PEBP1: variants seen among roughly 807,000 people sequenced by gnomAD.
The protein encoded by PEBP1 is phosphatidylethanolamine binding protein 1.
In PEBP1, 17 loss-of-function variants were observed where a neutral mutation model predicts 22.7. The ratio of observed to expected loss-of-function variants is 0.75; its 90% confidence interval spans 0.51 to 1.12. The LOEUF (loss-of-function observed/expected upper bound fraction) is 1.12. Ranked by LOEUF, PEBP1 falls within the 50% of genes most tolerant of loss-of-function variation. The pLI, the probability that PEBP1 is intolerant of heterozygous loss-of-function variation, is 0.00. For missense variants in PEBP1, 205 were observed against 243.5 expected, an observed-to-expected ratio of 0.84 and a Z score of 1.05; for synonymous variants, 106 against 104.3, an observed-to-expected ratio of 1.02 and a Z score of -0.10.
In PEBP1 at chr12:118,136,669, A is replaced by G. The variant is rs1226524289; in HGVS notation, c.135+325A>G. On this transcript the variant is annotated intron_variant, in intron 1 of 3. Coordinates refer to ENST00000261313, the MANE Select transcript of PEBP1 (RefSeq NM_002567.4). This position sits in a 1 kb window ranked among gnomAD's most constrained non-coding sequence, Gnocchi z 5.6. ...CTCCCCCCACAGGCCAGGGCGCTGG[A>G]GAGGGACGTCGCCGGGACAGAGTAG... is the stretch of plus-strand genomic sequence containing the variant. 6.6e-6 allele frequency among the ~76,000 whole-genome samples: 1 copy of G among 152,212 alleles called. No homozygotes were observed. The highest frequency in any genetic ancestry group is 1.9e-4 in the East Asian group (1 of 5,190).
Position 118,138,150 on chromosome 12 carries a change from T to C in PEBP1, c.245+2T>C. 6.3e-7 allele frequency: 1 copy of C among 1,588,458 alleles called. No homozygotes were observed. The highest frequency in any genetic ancestry group is 2.2e-5 in the East Asian group (1 of 44,758). ...CAGCAGGAAGGATCCCAAATACAGG[T>C]GAGAGGTGAGAAAGACGAGAAGAGC... is the stretch of plus-strand genomic sequence containing the variant. On this transcript the variant is annotated splice_donor_variant, in intron 2 of 3. Transcript: ENST00000261313. LOFTEE classifies it high-confidence loss of function.
Position 118,141,507 on chromosome 12 carries a change from T to G in PEBP1, c.346+1956T>G, listed in dbSNP as rs939828199. On this transcript the variant is annotated intron_variant, in intron 3 of 3. Transcript: ENST00000261313. ...CCAGCATGTTGGGAGGTGGAGGCAGTTGGATCACTTGAAGCCAGGAATTCA... is the reference window on the plus strand; with the variant it reads ...CCAGCATGTTGGGAGGTGGAGGCAGGTGGATCACTTGAAGCCAGGAATTCA... 2.0e-5 allele frequency among the ~76,000 whole-genome samples: 3 copies of G among 152,224 alleles called. No individual in the cohort carries two copies. The East Asian group carries it at 5.8e-4, about 30-fold the overall frequency.
Position 118,136,457 on chromosome 12 carries a change from G to C in PEBP1, c.135+113G>C, listed in dbSNP as rs1464847362. The stretch of plus-strand genomic sequence containing the variant: ...GGGGCGGTGGGGAGGTTCAGCCTGC[G>C]TGTGTCGAGGCCCCCCCAGGCCAGA... On this transcript the variant is annotated intron_variant, in intron 1 of 3. Coordinates refer to ENST00000261313, the MANE Select transcript of PEBP1 (RefSeq NM_002567.4). The surrounding 1 kb of genome is among the most constrained non-coding windows in gnomAD (Gnocchi z 5.6). The C allele has an allele frequency of 1.6e-6, 2 of 1,262,992 alleles. No individual in the cohort carries two copies. The highest frequency in any genetic ancestry group is 1.1e-6 in the Non-Finnish European group (1 of 944,918). The allele number at this position is 1,262,992 out of a possible 1,614,324, so 78.2% of individuals were successfully genotyped here.
At chr12:118,142,174 C>CTT (rs897008585) in intron 3 of PEBP1, among the ~76,000 whole-genome samples, 5,295 of 125,350 alleles carry the variant, frequency 0.042, 114 homozygotes, top group Middle Eastern at 0.097. Context: ...GCCATGCATT[C>CTT]TTTTTTTTTT....
intron 3 of PEBP1, among the ~76,000 whole-genome samples, chr12:118,144,331 G>A (rs1047376166): frequency 2.0e-5 from 3 of 152,094 alleles, no homozygotes; most frequent in Non-Finnish European, 4.4e-5. Context: ...TAAGGGCTTG[G>A]GCTTGACACC....
In PEBP1 at chr12:118,136,145, C is replaced by T; in HGVS notation, c.-65C>T. 1.3e-6 allele frequency: 2 copies of T among 1,527,666 alleles called. No individual in the cohort carries two copies. Among genetic ancestry groups the T allele is most frequent in the South Asian group, 1.2e-5 (1 of 83,518 alleles). The allele number at this position is 1,527,666 out of a possible 1,614,324, so 94.6% of individuals were successfully genotyped here. ...AGCCAGTGTGCTGAGCTCTCCGCGTCGCCTCTGTCGCCCGCGCCTGGCCTA... is the reference window on the plus strand; with the variant it reads ...AGCCAGTGTGCTGAGCTCTCCGCGTTGCCTCTGTCGCCCGCGCCTGGCCTA... On this transcript the variant is annotated 5_prime_UTR_variant, in exon 1 of 4. Coordinates refer to ENST00000261313, the MANE Select transcript of PEBP1 (RefSeq NM_002567.4). The surrounding 1 kb of genome is among the most constrained non-coding windows in gnomAD (Gnocchi z 5.6).
At chr12:118,144,474 G>T in intron 3 of PEBP1, 112 bp from the exon 4 acceptor site, 1 of 998,960 alleles carries the variant, frequency 1.0e-6, no homozygotes. Flanking sequence ...TGTCCTCCTT[G>T]TAAATGGTGT....
chr12:118,140,809 A>G (rs1426364006), intron 3 of PEBP1, among the ~76,000 whole-genome samples: 1 of 152,106 alleles, frequency 6.6e-6, no homozygotes, highest in African/African-American at 2.4e-5. Flanking sequence ...AAGTGTTGGG[A>G]TTACAGGCGT....
At chr12:118,144,535 C>T (rs1265089521) in intron 3 of PEBP1, 51 bp from the exon 4 acceptor site, 1 of 1,524,810 alleles carries the variant, frequency 6.6e-7, no homozygotes, top group South Asian at 1.2e-5. Flanking sequence ...ATGATGTCCC[C>T]ATCTCAAGTG....
intron 1 of PEBP1, among the ~76,000 whole-genome samples, chr12:118,137,229 GGACA>G (rs2034071695): frequency 6.6e-6 from 1 of 152,112 alleles, no homozygotes; most frequent in South Asian, 2.1e-4. Flanking sequence ...CTGTGATTCC[GGACA>G]GACAATGTAA....
chr12:118,139,593 T>G, intron 3 of PEBP1, 42 bp downstream of exon 3: 2 of 1,243,446 alleles, frequency 1.6e-6, no homozygotes, highest in Non-Finnish European at 2.4e-6. Context: ...GGGAGGGAGC[T>G]CGGGGGCACA....
chr12:118,145,184 A>AT lies in PEBP1; in HGVS notation c.*381_*382insT. The AT allele has an allele frequency of 2.6e-6, 1 of 390,628 alleles. No homozygotes were observed. The highest frequency in any genetic ancestry group is 2.2e-5 in the South Asian group (1 of 46,142). The allele number at this position is 390,628 out of a possible 1,614,324, so 24.2% of individuals were successfully genotyped here. ...AGGGAGGTTTAAAAAAAAAAAAAAAAAAAAAGATTGGTTGCCTCTGCCTTT... is the reference window on the plus strand; with the variant it reads ...AGGGAGGTTTAAAAAAAAAAAAAAAATAAAAAGATTGGTTGCCTCTGCCTTT... On this transcript the variant is annotated 3_prime_UTR_variant, in exon 4 of 4. Transcript: ENST00000261313.
intron 3 of PEBP1, among the ~76,000 whole-genome samples, chr12:118,142,562 C>A (rs1376773718): frequency 6.6e-6 from 1 of 151,776 alleles, no homozygotes; most frequent in Non-Finnish European, 1.5e-5. Context: ...CTTCAGCCTC[C>A]ACCTCCCAGG....
At chr12:118,137,902 G>A (rs2034080213) in intron 1 of PEBP1, 137 bp from the exon 2 acceptor site, 1 of 629,116 alleles carries the variant, frequency 1.6e-6, no homozygotes, top group Non-Finnish European at 2.9e-6. Flanking sequence ...GGCCAGGCTG[G>A]TCTCAAACCC....
chr12:118,144,555 G>C (rs751997892), intron 3 of PEBP1, 31 bp from the exon 4 acceptor site: 1 of 1,591,496 alleles, frequency 6.3e-7, no homozygotes, highest in Non-Finnish European at 8.6e-7. Context: ...GCTGGGCTGT[G>C]TGTACATCTT....
intron 3 of PEBP1, 47 bp from the exon 4 acceptor site, chr12:118,144,539 T>C: frequency 6.5e-7 from 1 of 1,540,960 alleles, no homozygotes; most frequent in Non-Finnish European, 8.9e-7. Flanking sequence ...TGTCCCCATC[T>C]CAAGTGCTGG....
chr12:118,136,272 G>C lies in PEBP1; in HGVS notation c.63G>C (p.Pro21=). ...PLSLQEVDEQ[P]QHPLHVTYAG... ...GCCTGCAAGAAGTGGACGAGCAGCC[G>C]CAGCACCCGCTGCATGTCACCTACG... is the stretch of plus-strand genomic sequence containing the variant. Residue 21 remains proline, a synonymous_variant, in exon 1 of 4, where the codon CCG becomes CCC. Transcript: ENST00000261313. This position sits in a 1 kb window ranked among gnomAD's most constrained non-coding sequence, Gnocchi z 5.6. 6.5e-7 allele frequency: 1 copy of C among 1,547,064 alleles called. No homozygotes were observed. The highest frequency in any genetic ancestry group is 8.7e-7 in the Non-Finnish European group (1 of 1,146,610).
intron 1 of PEBP1, among the ~76,000 whole-genome samples, chr12:118,137,354 T>TA (rs2034073389): frequency 6.6e-6 from 1 of 151,956 alleles, no homozygotes; most frequent in South Asian, 2.1e-4. Flanking sequence ...ACTGAAATAA[T>TA]ATACAGCCTG....
At position 118,136,456 on chromosome 12, in the gene PEBP1, C is replaced by A; in HGVS notation, c.135+112C>A. 7.7e-7 allele frequency: 1 copy of A among 1,297,444 alleles called. No homozygotes were observed. Among genetic ancestry groups the A allele is most frequent in the Non-Finnish European group, 1.0e-6 (1 of 976,526 alleles). The allele number at this position is 1,297,444 out of a possible 1,614,324, so 80.4% of individuals were successfully genotyped here. On this transcript the variant is annotated intron_variant, in intron 1 of 3. Transcript: ENST00000261313. The surrounding 1 kb of genome is among the most constrained non-coding windows in gnomAD (Gnocchi z 5.6). ...AGGGGCGGTGGGGAGGTTCAGCCTG[C>A]GTGTGTCGAGGCCCCCCCAGGCCAG...
Sources: gnomAD v4.1 joint callset for allele counts (sites outside exome capture counted in the v4.1 genomes callset) on GRCh38, gnomAD v4.1.1 for gene constraint, Gnocchi (gnomAD v3.1) non-coding constraint, MANE v1.5 for transcripts, NCBI Gene and HGNC (gene_info 2026-07-23, HGNC 2026-07-21) for gene names.